IAH1: variants seen among roughly 807,000 people sequenced by gnomAD.
IAH1 encodes isoamyl acetate hydrolyzing esterase 1 (putative), also known as isoamyl acetate-hydrolyzing esterase 1 homolog.
IAH1 carries 24 observed loss-of-function variants against 26.7 expected under a neutral mutation model. The ratio of observed to expected loss-of-function variants is 0.90; its 90% CI spans 0.65 to 1.26. The LOEUF (loss-of-function observed/expected upper bound fraction) is 1.26. IAH1 is among the 50% of genes most tolerant of loss of function. IAH1 has a pLI of 0.00. For missense variants in IAH1, 300 were observed against 299.9 expected, an observed-to-expected ratio of 1.00 and a Z score of 0.00; for synonymous variants, 140 against 118.5, an observed-to-expected ratio of 1.18 and a Z score of -1.18.
downstream of IAH1, among the ~76,000 whole-genome samples, chr2:9,497,985 CATATT>C (rs1662733201): frequency 6.6e-6 from 1 of 152,150 alleles, no homozygotes; most frequent in Non-Finnish European, 1.5e-5. Flanking sequence ...CAATCCCTAT[CATATT>C]ATAGGTATAC....
At chr2:9,500,942 C>G (rs1490526625), downstream of IAH1, among the ~76,000 whole-genome samples, 1 of 152,192 alleles carries the variant, frequency 6.6e-6, no homozygotes, top group Non-Finnish European at 1.5e-5. Context: ...TGGAAAATAT[C>G]TTTTTAACCA....
downstream of IAH1, among the ~76,000 whole-genome samples, chr2:9,498,492 A>T (rs1662784542): frequency 6.6e-6 from 1 of 152,268 alleles, no homozygotes; most frequent in Middle Eastern, 3.2e-3. Context: ...CTATATATCC[A>T]CAGCTCTGGA....
the IAH1 span, among the ~76,000 whole-genome samples, chr2:9,508,836 AG>A: frequency 3.3e-5 from 5 of 152,306 alleles, no homozygotes; most frequent in African/African-American, 1.2e-4. Flanking sequence ...ACAGTTTGAC[AG>A]GTTGGAAGAG....
chr2:9,476,715 G>T (rs1422473309), intron 2 of IAH1, among the ~76,000 whole-genome samples: 2 of 152,202 alleles, frequency 1.3e-5, no homozygotes, highest in African/African-American at 2.4e-5. Flanking sequence ...GAGACTCATT[G>T]TCCAGGGGAG....
At chr2:9,499,660 C>G (rs1356031283), downstream of IAH1, among the ~76,000 whole-genome samples, 1 of 152,084 alleles carries the variant, frequency 6.6e-6, no homozygotes, top group African/African-American at 2.4e-5. Context: ...CCTCGGCCTC[C>G]CAAAGTGCTA....
Position 9,474,560 on chromosome 2 carries a change from C to T in IAH1, c.-7C>T. ...GGCGGCCCCGCCCCGCCCCGCCCGG[C>T]TGCTCCATGGCGCTGTGCGAGGCCG... On this transcript the variant is annotated 5_prime_UTR_variant, in exon 1 of 6. Coordinates refer to ENST00000497473, the MANE Select transcript of IAH1 (RefSeq NM_001039613.3). The surrounding 1 kb of genome is among the most constrained non-coding windows in gnomAD (Gnocchi z 4.3). 1.3e-6 allele frequency: 2 copies of T among 1,490,502 alleles called. No individual in the cohort carries two copies. Among genetic ancestry groups the T allele is most frequent in the Non-Finnish European group, 1.8e-6 (2 of 1,125,642 alleles). 92.3% of individuals were successfully genotyped at this position (1,490,502 alleles called of 1,614,324 possible).
downstream of IAH1, chr2:9,493,086 G>T: frequency 1.0e-6 from 1 of 960,762 alleles, no homozygotes; most frequent in Non-Finnish European, 1.6e-6. Context: ...TGCCAGAGCT[G>T]CTGGCTAGAC....
At chr2:9,492,853 A>G, downstream of IAH1, 1 of 1,527,674 alleles carries the variant, frequency 6.5e-7, no homozygotes. Flanking sequence ...GGAGTTGATC[A>G]AAATTTAAAT....
intron 3 of IAH1, among the ~76,000 whole-genome samples, chr2:9,480,230 AAT>A (rs1484396724): frequency 1.3e-5 from 2 of 152,180 alleles, no homozygotes; most frequent in Non-Finnish European, 2.9e-5. Flanking sequence ...AAAAGCTCAT[AAT>A]ATGTTATGTG....
chr2:9,488,234 A>C lies in IAH1; in HGVS notation c.652A>C (p.Lys218Gln), dbSNP rs771635344. Residue 218 changes from lysine to glutamine, a missense_variant, in exon 6 of 6, where the codon AAA becomes CAA. Lys to Gln is a moderately conservative substitution (Grantham distance 53). Coordinates refer to ENST00000497473, the MANE Select transcript of IAH1 (RefSeq NM_001039613.3). Reference protein sequence around the residue: ...LFSHLWPLIEKKVSSLPLLLP... With the variant: ...LFSHLWPLIEQKVSSLPLLLP... The stretch of plus-strand genomic sequence containing the variant: ...CTCGCATCTCTGGCCTTTGATAGAG[A>C]AAAAGGTCTCTTCTCTACCTTTGCT... The C allele has an allele frequency of 1.2e-6, 2 of 1,613,194 alleles. No homozygotes were observed. Among genetic ancestry groups the C allele is most frequent in the Non-Finnish European group, 1.7e-6 (2 of 1,179,602 alleles).
rs555872186 is a variant in IAH1, at chr2:9,487,898, A to G, written c.565-249A>G. ...ACCCAGGCTGGAACTCAGTGGTGCA[A>G]TGATACCTCACTGTAGCCTCCAACT... On this transcript the variant is annotated intron_variant, in intron 5 of 5. Coordinates refer to ENST00000497473, the MANE Select transcript of IAH1 (RefSeq NM_001039613.3). Among the ~76,000 whole-genome samples the G allele has an allele frequency of 5.9e-4, 89 of 151,212 alleles. 1 individual carries two copies. The highest frequency in any genetic ancestry group is 2.1e-3 in the African/African-American group (86 of 41,178).
chr2:9,500,707 A>G (rs934664450), downstream of IAH1, among the ~76,000 whole-genome samples: 47 of 152,240 alleles, frequency 3.1e-4, no homozygotes, highest in African/African-American at 1.1e-3. Flanking sequence ...AATTTAAGTC[A>G]AAAAACATCG....
Position 9,476,003 on chromosome 2 carries a change from G to GGGAA in IAH1, c.98_99insGGAA (p.Gly34GlufsTer9). 6.2e-7 allele frequency: 1 copy of GGGAA among 1,613,864 alleles called. No individual in the cohort carries two copies. The highest frequency in any genetic ancestry group is 8.5e-7 in the Non-Finnish European group (1 of 1,179,936). On this transcript the variant is annotated frameshift_variant, in exon 2 of 6. Transcript: ENST00000497473. LOFTEE classifies it high-confidence loss of function. ...TTCCTCCAGTTTTCCTTCCAGCAGGGTGGATGGGGAGCATCGCTGGCTGAC... is the reference window on the plus strand; with the variant it reads ...TTCCTCCAGTTTTCCTTCCAGCAGGGGGAATGGATGGGGAGCATCGCTGGCTGAC...
At chr2:9,490,562 A>ATCTTTT, downstream of IAH1, 1 of 1,543,192 alleles carries the variant, frequency 6.5e-7, no homozygotes, top group South Asian at 1.2e-5. Flanking sequence ...ATAAAAGATG[A>ATCTTTT]ATCGGAGGTC....
At position 9,488,604 on chromosome 2, in the gene IAH1, A is replaced by G. The variant is rs1429347272; in HGVS notation, c.*275A>G. The G allele has an allele frequency of 3.7e-6, 1 of 270,572 alleles. No individual in the cohort carries two copies. Among genetic ancestry groups the G allele is most frequent in the Admixed American group, 5.1e-5 (1 of 19,666 alleles). The allele number at this position is 270,572 out of a possible 1,614,324, so 16.8% of individuals were successfully genotyped here. On this transcript the variant is annotated 3_prime_UTR_variant, in exon 6 of 6. Transcript: ENST00000497473. ...TATGTTTTTAAAAAGTCACAATTTT[A>G]TAAAAATGGTTTTTCTTACATTCTT...
intron 5 of IAH1, 35 bp from the exon 6 acceptor site, chr2:9,488,112 G>A (rs762360229): frequency 6.7e-7 from 1 of 1,499,044 alleles, no homozygotes; most frequent in South Asian, 1.3e-5. Flanking sequence ...CACGTGGCCA[G>A]TTACCCACCT....
the IAH1 span, chr2:9,505,457 A>C: frequency 1.5e-6 from 2 of 1,334,010 alleles, no homozygotes; most frequent in Non-Finnish European, 2.1e-6. Context: ...ACAAACTCTT[A>C]ATGTAAAACC....
chr2:9,502,042 G>T, the IAH1 span: 1 of 770,628 alleles, frequency 1.3e-6, no homozygotes, highest in Non-Finnish European at 2.1e-6. Flanking sequence ...ACTAAGGAGT[G>T]CCAGAAACTC....
intron 5 of IAH1, among the ~76,000 whole-genome samples, chr2:9,487,790 G>T (rs1023055684): frequency 0.021 from 1,202 of 56,746 alleles, 4 homozygotes; most frequent in African/African-American, 0.024. Flanking sequence ...CGGCCTTTTT[G>T]TGTGTGTGTG....
Sources: allele counts gnomAD v4.1 joint callset (sites outside exome capture counted in the v4.1 genomes callset), GRCh38; gene constraint gnomAD v4.1.1; non-coding constraint Gnocchi (gnomAD v3.1); transcripts MANE v1.5; gene names NCBI Gene and HGNC (gene_info 2026-07-23, HGNC 2026-07-21).